Variants in ATRNL1 observed in about 807,000 individuals in gnomAD.
ATRNL1 encodes attractin-like protein 1.
In ATRNL1, 95 loss-of-function variants were observed where a neutral mutation model predicts 182.7. The ratio of observed to expected loss-of-function variants is 0.52; its 90% CI spans 0.44 to 0.62. ATRNL1 has a LOEUF of 0.62. ATRNL1 is among the 20% of genes least tolerant of loss of function. The pLI is 0.00. For synonymous variants in ATRNL1, 576 were observed against 568.3 expected, an observed-to-expected ratio of 1.01 and a Z score of -0.19; for missense variants, 1,471 against 1,679.5, an observed-to-expected ratio of 0.88 and a Z score of 2.17.
intron 18 of ATRNL1, among the ~76,000 whole-genome samples, chr10:115,329,923 G>C (rs948445001): frequency 6.6e-6 from 1 of 151,962 alleles, no homozygotes; most frequent in African/African-American, 2.4e-5. Context: ...ATTGCTACTT[G>C]TTTTCTAGTT....
rs187232873 is a variant in ATRNL1, at chr10:115,855,218, T to C, written c.4018+7227T>C. Among the ~76,000 whole-genome samples, 571 of 152,330 alleles carry C rather than the reference T, an allele frequency of 3.7e-3. 7 individuals are homozygous for C. The highest frequency in any genetic ancestry group is 3.1e-3 in the Non-Finnish European group (208 of 68,030). ...CCTATCATTCCATACATATTTTTCT[T>C]ATGATTCTCTGAGTGTAGGTGTGGT... On this transcript the variant is annotated intron_variant, in intron 28 of 28. Coordinates refer to ENST00000355044, the MANE Select transcript of ATRNL1 (RefSeq NM_207303.4).
chr10:115,459,070 CACTTA>C (rs1333322429), intron 21 of ATRNL1, among the ~76,000 whole-genome samples: 1 of 152,134 alleles, frequency 6.6e-6, no homozygotes, highest in Non-Finnish European at 1.5e-5. Flanking sequence ...ATTTCATGGA[CACTTA>C]TCACTTCCCC....
chr10:115,870,909 A>C (rs1207694161), intron 28 of ATRNL1, among the ~76,000 whole-genome samples: 2 of 152,162 alleles, frequency 1.3e-5, no homozygotes, highest in African/African-American at 4.8e-5. Context: ...AAAACATATA[A>C]ATTTCTAGGA....
At chr10:115,679,488 C>T (rs1376142001) in intron 26 of ATRNL1, among the ~76,000 whole-genome samples, 1 of 151,994 alleles carries the variant, frequency 6.6e-6, no homozygotes, top group Non-Finnish European at 1.5e-5. Context: ...TTTGCTTTCT[C>T]TCCGCATACT....
chr10:115,593,661 TCC>T (rs1856050496), intron 26 of ATRNL1, among the ~76,000 whole-genome samples: 1 of 151,950 alleles, frequency 6.6e-6, no homozygotes, highest in Non-Finnish European at 1.5e-5. Flanking sequence ...ATAGTATTTT[TCC>T]AATTAAAACT....
At chr10:115,256,812 GTC>G (rs1338571894) in intron 10 of ATRNL1, among the ~76,000 whole-genome samples, 2 of 152,146 alleles carry the variant, frequency 1.3e-5, no homozygotes, top group Non-Finnish European at 2.9e-5. Context: ...CTTTGAATGT[GTC>G]CCAGAGATTC....
chr10:115,280,819 C>T (rs1554916563), intron 13 of ATRNL1, among the ~76,000 whole-genome samples: 1 of 152,178 alleles, frequency 6.6e-6, no homozygotes, highest in Non-Finnish European at 1.5e-5. Flanking sequence ...AATATCAAGT[C>T]ATGTCAGAGT....
intron 6 of ATRNL1, among the ~76,000 whole-genome samples, chr10:115,162,114 C>T (rs1846815800): frequency 6.6e-6 from 1 of 150,876 alleles, no homozygotes; most frequent in Non-Finnish European, 1.5e-5. Context: ...ATGCCCGTGT[C>T]TTTGTAAAGT....
Position 115,171,100 on chromosome 10 carries a change from T to C in ATRNL1, c.1156T>C (p.Trp386Arg). Reference sequence around the variant, plus strand: ...TGATGGCAATGTCACAGATGAATTATGGGTTTTTAACATACATAGTCAGTC... The same window carrying C: ...TGATGGCAATGTCACAGATGAATTACGGGTTTTTAACATACATAGTCAGTC... ...TNDGNVTDEL[W>R]VFNIHSQSWS... is the part of the protein sequence containing the mutation. The change falls in exon 8 of 29, where the codon TGG (tryptophan) becomes CGG (arginine). Residue 386 changes from tryptophan (W) to arginine (R), a missense_variant. Physicochemically the swap from Trp to Arg is moderately radical, Grantham distance 101. Coordinates refer to ENST00000355044, the MANE Select transcript of ATRNL1 (RefSeq NM_207303.4). 2 of 1,597,048 alleles carry C rather than the reference T, an allele frequency of 1.3e-6. No homozygotes were observed. Among genetic ancestry groups the C allele is most frequent in the Admixed American group, 1.7e-5 (1 of 58,956 alleles).
intron 19 of ATRNL1, among the ~76,000 whole-genome samples, chr10:115,374,241 T>A (rs570886955): frequency 2.0e-5 from 3 of 151,936 alleles, no homozygotes; most frequent in African/African-American, 7.2e-5. Flanking sequence ...TTTTGTGTTT[T>A]CTTAGTTTAG....
chr10:115,465,544 G>A (rs534402385), intron 22 of ATRNL1, among the ~76,000 whole-genome samples: 6 of 151,538 alleles, frequency 4.0e-5, no homozygotes, highest in South Asian at 4.2e-4. Context: ...CAGTTTTGTG[G>A]CATGTACTGC....
intron 25 of ATRNL1, among the ~76,000 whole-genome samples, chr10:115,542,584 G>A (rs12776022): frequency 0.16 from 24,901 of 152,046 alleles, 2,562 homozygotes; most frequent in South Asian, 0.24. Context: ...AAGTTGGTGC[G>A]TAGTGTTATG....
intron 9 of ATRNL1, among the ~76,000 whole-genome samples, chr10:115,219,108 G>A (rs1268255779): frequency 4.6e-5 from 7 of 151,828 alleles, no homozygotes; most frequent in African/African-American, 1.2e-4. Flanking sequence ...GGTGATGTGC[G>A]CCTGTAGTCC....
intron 9 of ATRNL1, among the ~76,000 whole-genome samples, chr10:115,238,965 C>T (rs868994040): frequency 1.3e-5 from 2 of 152,014 alleles, no homozygotes; most frequent in African/African-American, 4.8e-5. Flanking sequence ...AATGCTTTTT[C>T]TCCATCTATT....
At chr10:115,398,604 G>A (rs112159560) in intron 20 of ATRNL1, among the ~76,000 whole-genome samples, 1,633 of 152,062 alleles carry the variant, frequency 0.011, 13 homozygotes, top group South Asian at 0.033. Flanking sequence ...GAAGCTTTTG[G>A]GCCGAGACTA....
chr10:115,811,235 CT>C (rs1387134338), intron 27 of ATRNL1, among the ~76,000 whole-genome samples: 1 of 151,788 alleles, frequency 6.6e-6, no homozygotes. Context: ...TTTCTTTGAT[CT>C]TTGGCTTATT....
intron 1 of ATRNL1, among the ~76,000 whole-genome samples, chr10:115,104,446 C>T (rs958801797): frequency 1.3e-5 from 2 of 151,960 alleles, no homozygotes; most frequent in Non-Finnish European, 2.9e-5. Context: ...GGTTATTAAT[C>T]CCTTGTCAGA....
Position 115,093,817 on chromosome 10 carries a change from C to T in ATRNL1, c.67C>T (p.Arg23Trp), listed in dbSNP as rs1401627015. The T allele has an allele frequency of 6.7e-6, 10 of 1,500,836 alleles. No homozygotes were observed. The highest frequency in any genetic ancestry group is 1.4e-5 in the African/African-American group (1 of 69,570). 93.0% of individuals were successfully genotyped at this position (1,500,836 alleles called of 1,614,324 possible). A position where few individuals can be genotyped will look rare whatever the true frequency, so the allele number is the denominator to read the frequency against. ...AGCGGCCCCGGGGGTGTGGAGGGCT[C>T]GGCCGGCGGGCGGCGGCGGCGGGGG... The part of the protein sequence containing the change: ...QPAAPGVWRA[R>W]PAGGGGGGAS... The change falls in exon 1 of 29, where the codon CGG (arginine) becomes TGG (tryptophan). Residue 23 changes from arginine (R) to tryptophan (W), a missense_variant. Transcript: ENST00000355044. This position sits in a 1 kb window ranked among gnomAD's most constrained non-coding sequence, Gnocchi z 6.1.
intron 27 of ATRNL1, among the ~76,000 whole-genome samples, chr10:115,768,514 G>T (rs1364842316): frequency 6.6e-6 from 1 of 151,944 alleles, no homozygotes; most frequent in African/African-American, 2.4e-5. Flanking sequence ...ATTTTAAGGA[G>T]CAAATGAGTA....
Sources: gnomAD v4.1 joint callset for allele counts (sites outside exome capture counted in the v4.1 genomes callset) on GRCh38, gnomAD v4.1.1 for gene constraint, Gnocchi (gnomAD v3.1) non-coding constraint, MANE v1.5 for transcripts, NCBI Gene and HGNC (gene_info 2026-07-23, HGNC 2026-07-21) for gene names.